The following LRRC4C variants were observed in gnomAD, a reference collection of about 807,000 sequenced individuals.
The protein encoded by LRRC4C is leucine rich repeat containing 4C.
LRRC4C carries 5 observed loss-of-function variants against 33.6 expected under a neutral mutation model. The observed-to-expected ratio is 0.15, with a 90% CI of 0.08 to 0.31. The LOEUF (loss-of-function observed/expected upper bound fraction) is 0.31, where lower values mean the gene tolerates loss of function less well. Among genes scored for constraint, LRRC4C ranks in the 10% least tolerant of loss-of-function variants. LRRC4C has a pLI of 1.00. For synonymous variants in LRRC4C, 329 were observed against 302.0 expected, an observed-to-expected ratio of 1.09 and a Z score of -0.93; for missense variants, 560 against 796.7, an observed-to-expected ratio of 0.70 and a Z score of 3.58.
At chr11:41,314,267 G>T (rs1022563097) in intron 1 of LRRC4C, among the ~76,000 whole-genome samples, 6 of 152,104 alleles carry the variant, frequency 3.9e-5, no homozygotes, top group Non-Finnish European at 5.9e-5. Context: ...CTAAAGTTAA[G>T]TTTCATTGTA....
chr11:40,255,081 G>A (rs971666175), intron 4 of LRRC4C, among the ~76,000 whole-genome samples: 4 of 152,092 alleles, frequency 2.6e-5, no homozygotes, highest in African/African-American at 4.8e-5. Context: ...GATTACAAGC[G>A]TGAGTCACCG....
chr11:41,127,743 C>A (rs558421738), intron 1 of LRRC4C, among the ~76,000 whole-genome samples: 1 of 151,654 alleles, frequency 6.6e-6, no homozygotes, highest in Non-Finnish European at 1.5e-5. Context: ...TTCAACAAAA[C>A]ATTGCTATGT....
chr11:40,370,281 T>G (rs1948395260), intron 3 of LRRC4C, among the ~76,000 whole-genome samples: 1 of 152,130 alleles, frequency 6.6e-6, no homozygotes, highest in African/African-American at 2.4e-5. Flanking sequence ...GCCAACCTAA[T>G]GCCCAAGGCA....
At chr11:41,165,612 C>G (rs1009299506) in intron 1 of LRRC4C, among the ~76,000 whole-genome samples, 40 of 152,194 alleles carry the variant, frequency 2.6e-4, no homozygotes, top group African/African-American at 8.9e-4. Flanking sequence ...CTCTACTATG[C>G]AGGTAAGTTT....
At chr11:40,703,604 A>T (rs1364830410) in intron 2 of LRRC4C, among the ~76,000 whole-genome samples, 1 of 152,124 alleles carries the variant, frequency 6.6e-6, no homozygotes, top group Non-Finnish European at 1.5e-5. Flanking sequence ...ACACACTTGG[A>T]GAATGATTGA....
intron 3 of LRRC4C, among the ~76,000 whole-genome samples, chr11:40,399,353 A>G (rs1949669809): frequency 6.6e-6 from 1 of 152,170 alleles, no homozygotes; most frequent in Admixed American, 6.6e-5. Flanking sequence ...CTATGCAGCC[A>G]TTAAAAATGA....
At chr11:40,411,080 A>G (rs541576251) in intron 3 of LRRC4C, among the ~76,000 whole-genome samples, 4 of 152,132 alleles carry the variant, frequency 2.6e-5, no homozygotes, top group African/African-American at 9.7e-5. Context: ...ATCTCCTGAT[A>G]TCATAAAAGT....
intron 2 of LRRC4C, among the ~76,000 whole-genome samples, chr11:40,865,956 AATCT>A (rs1008923432): frequency 1.3e-5 from 2 of 151,976 alleles, no homozygotes; most frequent in African/African-American, 4.8e-5. Flanking sequence ...AGATTTTTTT[AATCT>A]ATTGGATGAA....
At chr11:40,408,797 A>G (rs942736803) in intron 3 of LRRC4C, among the ~76,000 whole-genome samples, 1 of 152,020 alleles carries the variant, frequency 6.6e-6, no homozygotes, top group Non-Finnish European at 1.5e-5. Flanking sequence ...TTTTGTGTTC[A>G]TGGATTGAAA....
chr11:40,984,367 G>T (rs11036172), intron 1 of LRRC4C, among the ~76,000 whole-genome samples: 1 of 96,486 alleles, frequency 1.0e-5, no homozygotes, highest in African/African-American at 4.4e-5. Context: ...AAAGAAAAAA[G>T]AAAGAAAGAA....
chr11:40,526,311 G>T (rs1241367346), intron 3 of LRRC4C, among the ~76,000 whole-genome samples: 2 of 151,972 alleles, frequency 1.3e-5, no homozygotes, highest in African/African-American at 4.8e-5. Context: ...ATTGAAAAAG[G>T]ATATTTAAAA....
intron 1 of LRRC4C, among the ~76,000 whole-genome samples, chr11:41,076,277 G>C (rs750483258): frequency 3.3e-5 from 5 of 152,100 alleles, no homozygotes; most frequent in African/African-American, 4.8e-5. Context: ...TTCCCAATCT[G>C]CCTTTTCATA....
intron 5 of LRRC4C, among the ~76,000 whole-genome samples, chr11:40,177,612 G>A (rs1860617779): frequency 6.6e-6 from 1 of 152,064 alleles, no homozygotes; most frequent in Non-Finnish European, 1.5e-5. Flanking sequence ...TCTGACCTTT[G>A]CTCAAATGTC....
At chr11:41,035,386 C>T (rs1857003412) in intron 1 of LRRC4C, among the ~76,000 whole-genome samples, 1 of 152,054 alleles carries the variant, frequency 6.6e-6, no homozygotes, top group African/African-American at 2.4e-5. Flanking sequence ...TGCATCCCCT[C>T]TCCTACTCAA....
intron 2 of LRRC4C, among the ~76,000 whole-genome samples, chr11:40,898,948 A>G (rs1956090127): frequency 6.6e-6 from 1 of 152,176 alleles, no homozygotes; most frequent in Non-Finnish European, 1.5e-5. Context: ...TTCCTTAGAT[A>G]CATACATTAA....
rs181555135 is a variant in LRRC4C, at chr11:40,951,492, G to T, written c.-495-17769C>A. 3.9e-5 allele frequency among the ~76,000 whole-genome samples: 6 copies of T among 152,080 alleles called. No individual in the cohort carries two copies. The South Asian group carries it at 8.3e-4, about 21-fold the overall frequency. ...ATCAAGGCAGGCTTGTGGAAAGTAG[G>T]TCAACAGTGTGACTTTACACACATT... On this transcript the variant is annotated intron_variant, in intron 1 of 6. Transcript: ENST00000528697.
intron 1 of LRRC4C, among the ~76,000 whole-genome samples, chr11:41,255,099 C>T (rs910230453): frequency 1.3e-4 from 20 of 152,116 alleles, no homozygotes; most frequent in African/African-American, 4.1e-4. Context: ...AGTTAGAATA[C>T]TATACCATTC....
chr11:41,385,546 T>C (rs1467246574), intron 1 of LRRC4C, among the ~76,000 whole-genome samples: 1 of 151,674 alleles, frequency 6.6e-6, no homozygotes, highest in Non-Finnish European at 1.5e-5. Context: ...CAAACAATAG[T>C]AATTTGATTA....
In LRRC4C at chr11:41,381,082, A is replaced by T. The variant is rs1047760191; in HGVS notation, c.-496+78349T>A. Among the ~76,000 whole-genome samples, 3 of 152,130 alleles carry T rather than the reference A, an allele frequency of 2.0e-5. No homozygotes were observed. In the East Asian group the frequency reaches 5.8e-4, roughly 29 times the overall value. On this transcript the variant is annotated intron_variant, in intron 1 of 6. Transcript: ENST00000528697. ...ACTTGTAAAGTGGTTCCAGGCAAAA[A>T]CATCCCTGGGCATATAGAGAAGCGA...
Sources: allele counts gnomAD v4.1 joint callset (sites outside exome capture counted in the v4.1 genomes callset), GRCh38; gene constraint gnomAD v4.1.1; transcripts MANE v1.5; gene names NCBI Gene and HGNC (gene_info 2026-07-23, HGNC 2026-07-21).